NSMCE2: variants seen among roughly 807,000 people sequenced by gnomAD.
NSMCE2 encodes the protein NSE2 SUMO ligase component of SMC5/6 complex.
Under a neutral mutation model 23.8 loss-of-function variants are expected in NSMCE2, and 24 were observed. That is an observed-to-expected ratio of 1.01 (90% confidence interval 0.73 to 1.42). The LOEUF is 1.42. Among genes scored for constraint, NSMCE2 ranks in the 40% most tolerant of loss-of-function variants. NSMCE2 has a pLI of 0.00. For synonymous variants in NSMCE2, 92 were observed against 94.1 expected (o/e 0.98, Z 0.13); for missense variants, 284 against 296.5 (o/e 0.96, Z 0.31).
intron 5 of NSMCE2, among the ~76,000 whole-genome samples, chr8:125,238,736 A>G (rs1211007408): frequency 6.6e-6 from 1 of 152,218 alleles, no homozygotes; most frequent in Non-Finnish European, 1.5e-5. Context: ...TTAAGACTTT[A>G]CAGAAATTTC....
chr8:125,312,615 A>G (rs1167957387), intron 5 of NSMCE2, among the ~76,000 whole-genome samples: 1 of 152,258 alleles, frequency 6.6e-6, no homozygotes, highest in East Asian at 1.9e-4. Flanking sequence ...ACAGAGTGAG[A>G]TTCTGTCTTA....
At chr8:125,208,010 G>A (rs1278355699) in intron 5 of NSMCE2, among the ~76,000 whole-genome samples, 1 of 152,220 alleles carries the variant, frequency 6.6e-6, no homozygotes, top group Non-Finnish European at 1.5e-5. Context: ...TCTGCTTCTT[G>A]ATGGGAGGGT....
intron 5 of NSMCE2, among the ~76,000 whole-genome samples, chr8:125,354,992 G>T (rs187906515): frequency 6.6e-6 from 1 of 152,264 alleles, no homozygotes; most frequent in Admixed American, 6.5e-5. Flanking sequence ...TTAGCTTCAG[G>T]CTATGTGTGT....
intron 5 of NSMCE2, among the ~76,000 whole-genome samples, chr8:125,233,689 A>G (rs912261041): frequency 2.6e-5 from 4 of 152,186 alleles, no homozygotes; most frequent in African/African-American, 4.8e-5. Context: ...GGCAGGGAAA[A>G]CAGAGATGGA....
At chr8:125,274,420 T>C (rs1487278081) in intron 5 of NSMCE2, among the ~76,000 whole-genome samples, 1 of 152,216 alleles carries the variant, frequency 6.6e-6, no homozygotes, top group East Asian at 1.9e-4. Flanking sequence ...AAAATAATAC[T>C]AGCTTTTAAA....
At position 125,200,290 on chromosome 8, in the gene NSMCE2, A is replaced by G. The variant is rs1034586858; in HGVS notation, c.418+18034A>G. The stretch of plus-strand genomic sequence containing the variant: ...GCCTCGATGGTCTTTACAGTTTGGC[A>G]TGTTTTTGCGGTGGCTGGTACCAGT... On this transcript the variant is annotated intron_variant, in intron 5 of 7. Coordinates refer to ENST00000287437, the MANE Select transcript of NSMCE2 (RefSeq NM_173685.4). 6.0e-4 allele frequency among the ~76,000 whole-genome samples: 91 copies of G among 152,054 alleles called. 2 individuals carry two copies. Among genetic ancestry groups the G allele is most frequent in the Admixed American group, 6.0e-3 (91 of 15,256 alleles).
At chr8:125,128,503 A>G (rs1056318765) in intron 3 of NSMCE2, among the ~76,000 whole-genome samples, 1 of 152,238 alleles carries the variant, frequency 6.6e-6, no homozygotes, top group Admixed American at 6.5e-5. Flanking sequence ...ATCTATGTTA[A>G]TGGAGGCCCC....
chr8:125,257,724 CG>C (rs1826504791), intron 5 of NSMCE2, among the ~76,000 whole-genome samples: 1 of 151,794 alleles, frequency 6.6e-6, no homozygotes, highest in Non-Finnish European at 1.5e-5. Context: ...TTAGTAGAAA[CG>C]GGGTTTCATT....
chr8:125,188,433 T>C (rs978434851), intron 5 of NSMCE2, among the ~76,000 whole-genome samples: 3 of 152,206 alleles, frequency 2.0e-5, no homozygotes, highest in African/African-American at 7.2e-5. Flanking sequence ...TCTGTGCTAC[T>C]GAAAGGGGAC....
chr8:125,361,366 C>A (rs1357449229), intron 7 of NSMCE2, among the ~76,000 whole-genome samples: 1 of 151,558 alleles, frequency 6.6e-6, no homozygotes, highest in Non-Finnish European at 1.5e-5. Flanking sequence ...TCTAACCTGA[C>A]CACAGTCACT....
At chr8:125,190,770 A>C (rs919722777) in intron 5 of NSMCE2, among the ~76,000 whole-genome samples, 2 of 152,228 alleles carry the variant, frequency 1.3e-5, no homozygotes, top group Non-Finnish European at 2.9e-5. Context: ...AATGCCTAGT[A>C]CCTAAAGTAC....
chr8:125,264,367 A>ACTCTCAGCAGCGCCTGTCC (rs1258890722), intron 5 of NSMCE2, among the ~76,000 whole-genome samples: 1 of 152,030 alleles, frequency 6.6e-6, no homozygotes, highest in Non-Finnish European at 1.5e-5. Context: ...CATGCCTGTC[A>ACTCTCAGCAGCGCCTGTCC]CTCTCAGCAG....
chr8:125,147,051 A>C (rs1369885414), intron 3 of NSMCE2, among the ~76,000 whole-genome samples: 1 of 152,164 alleles, frequency 6.6e-6, no homozygotes, highest in East Asian at 1.9e-4. Context: ...TCCATGTTTT[A>C]TCATCTGCAC....
chr8:125,173,957 T>G (rs1477747548), intron 4 of NSMCE2, among the ~76,000 whole-genome samples: 1 of 152,150 alleles, frequency 6.6e-6, no homozygotes, highest in Admixed American at 6.6e-5. Context: ...TATATAAGGC[T>G]TTGAACCACT....
chr8:125,363,649 G>A (rs913753926), intron 7 of NSMCE2, among the ~76,000 whole-genome samples: 2 of 129,582 alleles, frequency 1.5e-5, no homozygotes, highest in African/African-American at 5.7e-5. Flanking sequence ...GAGAGGAGGA[G>A]GAAGGAGAAG....
At chr8:125,179,169 C>G (rs6997136) in intron 4 of NSMCE2, among the ~76,000 whole-genome samples, 14,980 of 152,120 alleles carry the variant, frequency 0.098, 950 homozygotes, top group South Asian at 0.17. Context: ...AGTCCTGTAT[C>G]TGGGTAGACT....
At chr8:125,288,124 C>T (rs984524431) in intron 5 of NSMCE2, among the ~76,000 whole-genome samples, 9 of 152,144 alleles carry the variant, frequency 5.9e-5, no homozygotes, top group Middle Eastern at 3.2e-3. Context: ...CCATACTGGC[C>T]GATGTTTTAG....
At chr8:125,278,659 A>G (rs781250761) in intron 5 of NSMCE2, among the ~76,000 whole-genome samples, 4 of 152,152 alleles carry the variant, frequency 2.6e-5, no homozygotes, top group Non-Finnish European at 5.9e-5. Context: ...GATTTTTGGT[A>G]TGCTTTTGCT....
chr8:125,145,396 G>A (rs1028834202), intron 3 of NSMCE2, among the ~76,000 whole-genome samples: 6 of 152,128 alleles, frequency 3.9e-5, no homozygotes, highest in African/African-American at 7.2e-5. Context: ...GCAGTGCGGG[G>A]GGGATAGCTA....
Sources: allele counts gnomAD v4.1 joint callset (sites outside exome capture counted in the v4.1 genomes callset), GRCh38; gene constraint gnomAD v4.1.1; transcripts MANE v1.5; gene names NCBI Gene and HGNC (gene_info 2026-07-23, HGNC 2026-07-21).